FN1: variants seen among roughly 807,000 people sequenced by gnomAD.
FN1 encodes fibronectin.
In FN1, 106 loss-of-function variants were observed where a neutral mutation model predicts 297.3. The ratio of observed to expected loss-of-function variants is 0.36; its 90% CI spans 0.30 to 0.42. The LOEUF is 0.42. FN1 is among the 10% of genes least tolerant of loss of function. The probability of loss-of-function intolerance (pLI) is 1.00; values close to 1 mark genes in which losing one functional copy is unlikely to be tolerated. For synonymous variants in FN1, 1,149 were observed against 1,152.6 expected (o/e 1.00, Z 0.06); for missense variants, 2,690 against 3,124.9 (o/e 0.86, Z 3.32).
chr2:215,403,296 GAAGT>G (rs2061367140), intron 20 of FN1, among the ~76,000 whole-genome samples: 1 of 152,138 alleles, frequency 6.6e-6, no homozygotes, highest in African/African-American at 2.4e-5. Flanking sequence ...AATTTAAATG[GAAGT>G]AAGTTTTTCT....
intron 13 of FN1, chr2:215,414,617 C>G (rs765811652): frequency 1.9e-5 from 22 of 1,159,846 alleles, no homozygotes; most frequent in Non-Finnish European, 2.4e-5. Flanking sequence ...TACCAGCCCC[C>G]CCACCGCAAA....
At chr2:215,370,652 C>A in intron 40 of FN1, 1 of 544,560 alleles carries the variant, frequency 1.8e-6, no homozygotes, top group Non-Finnish European at 3.3e-6. Context: ...ATTTTCCTGC[C>A]AACAATCTAC....
At chr2:215,387,314 G>A (rs2059151466) in intron 27 of FN1, among the ~76,000 whole-genome samples, 1 of 152,152 alleles carries the variant, frequency 6.6e-6, no homozygotes, top group African/African-American at 2.4e-5. Context: ...CAGTGTTCAA[G>A]TATTCTGTGT....
At chr2:215,425,864 G>A (rs1234232693) in intron 6 of FN1, among the ~76,000 whole-genome samples, 2 of 152,042 alleles carry the variant, frequency 1.3e-5, no homozygotes, top group Non-Finnish European at 2.9e-5. Flanking sequence ...GAGCCACCTC[G>A]CCTGGCCGGG....
chr2:215,361,682 G>GA (rs112429571), intron 45 of FN1, 56 bp from the exon 46 acceptor site: 2,726 of 1,310,952 alleles, frequency 2.1e-3, no homozygotes, highest in Non-Finnish European at 2.5e-3. Flanking sequence ...AAAGTGTACA[G>GA]AAAAAAAAAT....
In FN1 at chr2:215,399,278, A is replaced by T; in HGVS notation, c.3327T>A (p.Pro1109=). 1 of 1,613,504 alleles carries T rather than the reference A, an allele frequency of 6.2e-7. No homozygotes were observed. Among genetic ancestry groups the T allele is most frequent in the Non-Finnish European group, 8.5e-7 (1 of 1,179,420 alleles). Residue 1109 remains proline (P), a synonymous_variant, in exon 21 of 46, where the codon CCT becomes CCA. Transcript: ENST00000354785. ...TTACCTTAAAACCAATTCTTGGAGC[A>T]GGCGTCCATGTGATCACAATGGTGG... ...TETTIVITWT[P]APRIGFKLGV... is the part of the protein sequence containing the mutation.
At chr2:215,419,571 A>C (rs898183029) in intron 11 of FN1, among the ~76,000 whole-genome samples, 186 bp from the exon 12 acceptor site, 19 of 151,412 alleles carry the variant, frequency 1.3e-4, no homozygotes, top group Middle Eastern at 6.8e-3. Flanking sequence ...TAAAAAAAAA[A>C]CCAAAGTACC....
chr2:215,392,897 CTA>C (rs761401584), intron 25 of FN1, 32 bp downstream of exon 25: 3 of 1,611,422 alleles, frequency 1.9e-6, no homozygotes, highest in Admixed American at 1.7e-5. Flanking sequence ...GCAACACCAT[CTA>C]TGTCTCAAAC....
intron 9 of FN1, among the ~76,000 whole-genome samples, 199 bp downstream of exon 9, chr2:215,423,151 T>G (rs2064724719): frequency 6.6e-6 from 1 of 151,280 alleles, no homozygotes; most frequent in Non-Finnish European, 1.5e-5. Flanking sequence ...CTAATTATTC[T>G]TCCCAATCCT....
intron 4 of FN1, 78 bp from the exon 5 acceptor site, chr2:215,430,930 G>A: frequency 6.6e-7 from 1 of 1,510,990 alleles, no homozygotes; most frequent in Admixed American, 1.8e-5. Context: ...TTAAAGTGTA[G>A]TGTGTAAGCA....
intron 9 of FN1, 135 bp from the exon 10 acceptor site, chr2:215,422,378 C>T: frequency 1.2e-6 from 1 of 865,968 alleles, no homozygotes; most frequent in South Asian, 1.3e-5. Context: ...GCATCAAAGA[C>T]ATCTAAGTGC....
chr2:215,367,569 CTT>C (rs1484175687), intron 42 of FN1: 6 of 418,186 alleles, frequency 1.4e-5, no homozygotes, highest in African/African-American at 4.1e-5. Context: ...TTCCAAAAGT[CTT>C]TATCCATTTG....
chr2:215,413,217 T>G (rs901630096), intron 13 of FN1, among the ~76,000 whole-genome samples: 1 of 152,150 alleles, frequency 6.6e-6, no homozygotes, highest in Admixed American at 6.5e-5. Flanking sequence ...CCTCCTGGGT[T>G]CAAGTGATTC....
At chr2:215,425,553 G>T (rs1014740275) in intron 6 of FN1, among the ~76,000 whole-genome samples, 19 of 151,968 alleles carry the variant, frequency 1.3e-4, no homozygotes, top group Admixed American at 3.3e-4. Flanking sequence ...TTGTTTTTTG[G>T]TTTTTTGGGT....
rs544540891 is a variant in FN1 at position 215,402,816 on chromosome 2, T to C, written c.3253+1573A>G. ...TTAAAATCATTATATTTTATATGAATGTATTATGCAAAGCATAAAATAATA... is the reference window on the plus strand; with the variant it reads ...TTAAAATCATTATATTTTATATGAACGTATTATGCAAAGCATAAAATAATA... On this transcript the variant is annotated intron_variant, in intron 20 of 45. Coordinates refer to ENST00000354785, the MANE Select transcript of FN1 (RefSeq NM_212482.4). 2.6e-5 allele frequency among the ~76,000 whole-genome samples: 4 copies of C among 152,352 alleles called. No individual in the cohort carries two copies. In the East Asian group the frequency reaches 5.8e-4, roughly 22 times the overall value.
At chr2:215,361,854 A>G in intron 45 of FN1, 115 bp downstream of exon 45, 2 of 1,385,616 alleles carry the variant, frequency 1.4e-6, no homozygotes, top group Non-Finnish European at 2.0e-6. Context: ...TAAGTCATTT[A>G]TGAGTTGTTT....
chr2:215,430,901 T>C, intron 4 of FN1, 49 bp from the exon 5 acceptor site: 1 of 1,600,894 alleles, frequency 6.2e-7, no homozygotes, highest in African/African-American at 1.3e-5. Context: ...TATTTTGAAT[T>C]GTGCAAGCTC....
At position 215,370,350 on chromosome 2, in the gene FN1, A is replaced by G. The variant is rs929822231; in HGVS notation, c.6797T>C (p.Leu2266Pro). 6.2e-7 allele frequency: 1 copy of G among 1,613,806 alleles called. No homozygotes were observed. The highest frequency in any genetic ancestry group is 8.5e-7 in the Non-Finnish European group (1 of 1,179,972). ...GATYNVIVEA[L>P]KDQQRHKVRE... ...AACCTTATGCCTCTGCTGGTCTTTC[A>G]GTGCCTCCACTATGACGTTGTAGGT... The change falls in exon 41 of 46, where the codon CTG becomes CCG. Residue 2266 changes from leucine (L) to proline (P), a missense_variant. Physicochemically the swap from Leu to Pro is moderately conservative, Grantham distance 98. Transcript: ENST00000354785.
rs762269962 is a variant in FN1 at position 215,397,741 on chromosome 2, G to A, written c.3456C>T (p.Thr1152=). 6.2e-7 allele frequency: 1 copy of A among 1,613,938 alleles called. No homozygotes were observed. Among genetic ancestry groups the A allele is most frequent in the Non-Finnish European group, 8.5e-7 (1 of 1,179,840 alleles). The change falls in exon 22 of 46, where the codon ACC becomes ACT. Residue 1152 remains threonine, a synonymous_variant. Transcript: ENST00000354785. ...GLTPGVEYVY[T]IQVLRDGQER... ...CCTGTCCATCTCTCAGGACTTGGATGGTGTAGACGTATTCTACTCCTGGAG... is the reference window on the plus strand; with the variant it reads ...CCTGTCCATCTCTCAGGACTTGGATAGTGTAGACGTATTCTACTCCTGGAG...
Sources: gnomAD v4.1 joint callset for allele counts (sites outside exome capture counted in the v4.1 genomes callset) on GRCh38, gnomAD v4.1.1 for gene constraint, MANE v1.5 for transcripts, NCBI Gene and HGNC (gene_info 2026-07-23, HGNC 2026-07-21) for gene names.